The following GRIK1 variants were observed in gnomAD, a reference collection of about 807,000 sequenced individuals.
GRIK1 encodes glutamate ionotropic receptor kainate type subunit 1.
GRIK1 carries 69 observed loss-of-function variants against 105.7 expected under a neutral mutation model. The observed-to-expected ratio is 0.65, with a 90% CI of 0.54 to 0.80. The LOEUF is 0.80. Among genes scored for constraint, GRIK1 ranks in the 30% least tolerant of loss-of-function variants. The pLI, the probability that GRIK1 is intolerant of heterozygous loss-of-function variation, is 0.00. For synonymous variants in GRIK1, 438 were observed against 431.3 expected (o/e 1.02, Z -0.19); for missense variants, 1,109 against 1,167.3 (o/e 0.95, Z 0.73).
Position 29,651,303 on chromosome 21 carries a change from C to A in GRIK1, c.781-12G>T. The A allele has an allele frequency of 6.4e-7, 1 of 1,565,980 alleles. No individual in the cohort carries two copies. Among genetic ancestry groups the A allele is most frequent in the Non-Finnish European group, 8.7e-7 (1 of 1,148,200 alleles). On this transcript the variant is annotated splice_polypyrimidine_tract_variant and intron_variant, in intron 5 of 17. Coordinates refer to ENST00000327783, the MANE Select transcript of GRIK1 (RefSeq NM_001330994.2). ...AAAGCAAATAAGTCCTGCATAGTATCAAAAAGGATAACAGTGGAAAATAAT... is the reference window on the plus strand; with the variant it reads ...AAAGCAAATAAGTCCTGCATAGTATAAAAAAGGATAACAGTGGAAAATAAT...
intron 2 of GRIK1, among the ~76,000 whole-genome samples, chr21:29,690,427 C>T (rs363509): frequency 1.2e-4 from 19 of 152,196 alleles, no homozygotes; most frequent in South Asian, 2.1e-4. Context: ...TAGAACCTCT[C>T]GGTAACTACA....
At chr21:29,559,675 A>G (rs2090344616) in intron 15 of GRIK1, among the ~76,000 whole-genome samples, 1 of 152,266 alleles carries the variant, frequency 6.6e-6, no homozygotes, top group Non-Finnish European at 1.5e-5. Context: ...CATGGTAAAT[A>G]TGGAAGATAG....
At chr21:29,631,744 A>T (rs1466034089) in intron 7 of GRIK1, among the ~76,000 whole-genome samples, 1 of 152,246 alleles carries the variant, frequency 6.6e-6, no homozygotes, top group Non-Finnish European at 1.5e-5. Flanking sequence ...TGACATTATG[A>T]AATGCTAATA....
At chr21:29,724,681 A>G (rs1231530379) in intron 1 of GRIK1, among the ~76,000 whole-genome samples, 1 of 152,194 alleles carries the variant, frequency 6.6e-6, no homozygotes, top group African/African-American at 2.4e-5. Context: ...GCTCACAGTG[A>G]TGAAATAAAT....
intron 1 of GRIK1, among the ~76,000 whole-genome samples, chr21:29,734,575 T>C (rs2064737337): frequency 1.3e-5 from 2 of 151,738 alleles, no homozygotes; most frequent in South Asian, 4.2e-4. Flanking sequence ...AATTTTTTTG[T>C]TTTTGCAGGG....
intron 12 of GRIK1, among the ~76,000 whole-genome samples, chr21:29,585,268 G>A (rs1380154319): frequency 6.6e-6 from 1 of 152,032 alleles, no homozygotes; most frequent in Non-Finnish European, 1.5e-5. Flanking sequence ...CCAAAAATAT[G>A]GAGGTCTGGG....
intron 1 of GRIK1, among the ~76,000 whole-genome samples, chr21:29,897,727 A>C (rs1356481090): frequency 6.6e-6 from 1 of 152,218 alleles, no homozygotes; most frequent in Non-Finnish European, 1.5e-5. Flanking sequence ...GGCAGCCATA[A>C]ACCATGGGCA....
intron 1 of GRIK1, chr21:29,760,456 A>C (rs2065478865): frequency 6.6e-6 from 1 of 152,232 alleles, no homozygotes; most frequent in Non-Finnish European, 1.5e-5. Flanking sequence ...GTTTTCTGCA[A>C]CTTAAATACA....
intron 13 of GRIK1, among the ~76,000 whole-genome samples, chr21:29,577,637 A>G (rs2090926976): frequency 6.6e-6 from 1 of 152,234 alleles, no homozygotes; most frequent in African/African-American, 2.4e-5. Context: ...TTAACATGCC[A>G]TTTATCACAT....
At chr21:29,616,213 C>A (rs918877185) in intron 7 of GRIK1, among the ~76,000 whole-genome samples, 1 of 152,116 alleles carries the variant, frequency 6.6e-6, no homozygotes, top group African/African-American at 2.4e-5. Flanking sequence ...CCTTTTTGGC[C>A]TCTTCTGCTA....
rs370700840 is a variant in GRIK1, at chr21:29,882,448, T to A, written c.118+56935A>T. Among the ~76,000 whole-genome samples, 40 of 152,224 alleles carry A rather than the reference T, an allele frequency of 2.6e-4. 1 individual carries two copies. The highest frequency in any genetic ancestry group is 9.4e-4 in the African/African-American group (39 of 41,560). On this transcript the variant is annotated intron_variant, in intron 1 of 17. Transcript: ENST00000327783. ...TCTAGTGGTAGAAATACTCCACGAT[T>A]GAGAAGAATGTGGGAAGAAAGGAGG...
intron 1 of GRIK1, among the ~76,000 whole-genome samples, chr21:29,813,529 A>T (rs1337371244): frequency 1.3e-5 from 2 of 152,160 alleles, no homozygotes; most frequent in Non-Finnish European, 2.9e-5. Flanking sequence ...CATTTTTTGT[A>T]TCAATATAGA....
At chr21:29,896,149 G>A (rs1328569747) in intron 1 of GRIK1, among the ~76,000 whole-genome samples, 1 of 152,174 alleles carries the variant, frequency 6.6e-6, no homozygotes, top group Admixed American at 6.5e-5. Context: ...CATGCATATT[G>A]ACAAAGGCTG....
At chr21:29,775,462 C>T (rs1352294175) in intron 1 of GRIK1, among the ~76,000 whole-genome samples, 1 of 152,102 alleles carries the variant, frequency 6.6e-6, no homozygotes, top group Non-Finnish European at 1.5e-5. Flanking sequence ...AGTTGCTCAG[C>T]TGAGGAGGTA....
intron 1 of GRIK1, among the ~76,000 whole-genome samples, chr21:29,807,036 C>G (rs465867): frequency 0.18 from 26,899 of 152,170 alleles, 2,732 homozygotes; most frequent in Middle Eastern, 0.27. Context: ...GATTCAGATA[C>G]AGGTCTCAAT....
intron 4 of GRIK1, among the ~76,000 whole-genome samples, chr21:29,662,857 C>T (rs894836068): frequency 1.3e-5 from 2 of 152,030 alleles, no homozygotes; most frequent in African/African-American, 4.8e-5. Context: ...GAGCCTCATT[C>T]CTAAATATTC....
intron 6 of GRIK1, among the ~76,000 whole-genome samples, chr21:29,648,698 C>T (rs758607770): frequency 2.6e-5 from 4 of 151,852 alleles, no homozygotes; most frequent in African/African-American, 7.3e-5. Context: ...AAATATAACA[C>T]GTCAGGTCAT....
chr21:29,677,356 C>T (rs1410524189), intron 3 of GRIK1, among the ~76,000 whole-genome samples: 1 of 152,186 alleles, frequency 6.6e-6, no homozygotes, highest in East Asian at 1.9e-4. Context: ...ATTGGAAATG[C>T]AACTTTGGTT....
At chr21:29,667,255 T>C (rs1428617342) in intron 4 of GRIK1, among the ~76,000 whole-genome samples, 1 of 152,182 alleles carries the variant, frequency 6.6e-6, no homozygotes, top group African/African-American at 2.4e-5. Flanking sequence ...ATGAAACCAA[T>C]TTAAGCATCT....
Sources: allele counts gnomAD v4.1 joint callset (sites outside exome capture counted in the v4.1 genomes callset), GRCh38; gene constraint gnomAD v4.1.1; transcripts MANE v1.5; gene names NCBI Gene and HGNC (gene_info 2026-07-23, HGNC 2026-07-21).